The following CFI variants were observed in gnomAD, a reference collection of about 807,000 sequenced individuals.
The protein encoded by CFI is C3B/C4B inactivator.
A neutral mutation model predicts 78.8 loss-of-function variants in CFI; 66 were observed. The ratio of observed to expected loss-of-function variants is 0.84; its 90% CI spans 0.69 to 1.03. CFI has a LOEUF of 1.03. Among genes scored for constraint, CFI ranks in the 50% least tolerant of loss-of-function variants. The pLI is 0.00. For synonymous variants in CFI, 250 were observed against 232.6 expected, an observed-to-expected ratio of 1.07 and a Z score of -0.68; for missense variants, 706 against 704.5, an observed-to-expected ratio of 1.00 and a Z score of -0.02.
chr4:109,778,288 A>T (rs1210106771), intron 1 of CFI, among the ~76,000 whole-genome samples: 1 of 152,202 alleles, frequency 6.6e-6, no homozygotes, highest in African/African-American at 2.4e-5. Context: ...ATAAAAAATG[A>T]TAAAGGGGAT....
chr4:109,792,289 C>G (rs1019225251), intron 1 of CFI, among the ~76,000 whole-genome samples: 10 of 152,064 alleles, frequency 6.6e-5, no homozygotes, highest in Non-Finnish European at 7.4e-5. Context: ...ATATTATTAT[C>G]TATTTCTGGT....
intron 1 of CFI, among the ~76,000 whole-genome samples, chr4:109,791,387 AG>A (rs1397370318): frequency 2.0e-5 from 3 of 151,578 alleles, no homozygotes; most frequent in Non-Finnish European, 4.4e-5. Context: ...TCCCATCCGT[AG>A]GGTGTCTGTT....
intron 8 of CFI, 151 bp downstream of exon 8, chr4:109,752,317 A>T: frequency 1.5e-6 from 1 of 672,188 alleles, no homozygotes; most frequent in Non-Finnish European, 2.5e-6. Context: ...CTTAAAAGTG[A>T]CAGAGAAAGG....
intron 1 of CFI, among the ~76,000 whole-genome samples, chr4:109,771,400 T>TA (rs397831103): frequency 0.096 from 9,740 of 101,226 alleles, 869 homozygotes; most frequent in African/African-American, 0.25. Flanking sequence ...CTACTAAAAA[T>TA]AAAAAAAAAA....
chr4:109,779,371 C>A (rs62324928), intron 1 of CFI, among the ~76,000 whole-genome samples: 6,176 of 152,186 alleles, frequency 0.041, 182 homozygotes, highest in South Asian at 0.1. Flanking sequence ...CATGAGTGAA[C>A]TCCCATTCAC....
intron 12 of CFI, 124 bp from the exon 13 acceptor site, chr4:109,741,234 C>T (rs376032799): frequency 6.5e-7 from 1 of 1,543,490 alleles, no homozygotes; most frequent in Admixed American, 2.0e-5. Flanking sequence ...ATAGCATGGG[C>T]TCTCCTTAGA....
chr4:109,758,983 C>G (rs77802516), intron 6 of CFI, among the ~76,000 whole-genome samples: 1 of 152,194 alleles, frequency 6.6e-6, no homozygotes, highest in African/African-American at 2.4e-5. Context: ...ATCCCAGCTA[C>G]TCAGGAGGCT....
At chr4:109,781,142 A>T (rs977993377) in intron 1 of CFI, among the ~76,000 whole-genome samples, 3 of 152,218 alleles carry the variant, frequency 2.0e-5, no homozygotes, top group African/African-American at 7.2e-5. Flanking sequence ...AACTTAAAGT[A>T]TAAAAAAAAA....
At chr4:109,790,216 T>G (rs1390219471) in intron 1 of CFI, among the ~76,000 whole-genome samples, 1 of 152,042 alleles carries the variant, frequency 6.6e-6, no homozygotes, top group African/African-American at 2.4e-5. Flanking sequence ...TTTCTCAGTT[T>G]AGCTAAGGTC....
the CFI span, among the ~76,000 whole-genome samples, chr4:109,735,555 T>C: frequency 6.6e-6 from 1 of 152,214 alleles, no homozygotes; most frequent in Non-Finnish European, 1.5e-5. Flanking sequence ...AATGTCTCAC[T>C]AATGGCCTCA....
intron 7 of CFI, among the ~76,000 whole-genome samples, chr4:109,756,977 G>GAAAGAAAGAAAGAAAGAAAGAAAT (rs1380821599): frequency 1.4e-5 from 2 of 141,152 alleles, no homozygotes; most frequent in African/African-American, 2.6e-5. Flanking sequence ...AAGAAAGAAA[G>GAAAGAAAGAAAGAAAGAAAGAAAT]AAATTCTGAG....
intron 1 of CFI, among the ~76,000 whole-genome samples, chr4:109,781,171 T>C (rs1406276103): frequency 3.3e-5 from 5 of 152,090 alleles, no homozygotes; most frequent in African/African-American, 7.2e-5. Context: ...TTGATTTTCT[T>C]TTTGACCCAA....
intron 1 of CFI, among the ~76,000 whole-genome samples, chr4:109,798,527 A>G (rs1732357514): frequency 6.8e-6 from 1 of 146,598 alleles, no homozygotes. Context: ...TTTTAAAAAG[A>G]CCATTAAGTC....
chr4:109,770,513 A>C (rs1424597626), intron 1 of CFI, among the ~76,000 whole-genome samples: 2 of 149,934 alleles, frequency 1.3e-5, no homozygotes, highest in African/African-American at 4.9e-5. Flanking sequence ...CGGAGACCGC[A>C]CCACTGCACT....
chr4:109,766,673 T>G lies in CFI; in HGVS notation c.209A>C (p.Asn70Thr), dbSNP rs749553820. Residue 70 changes from asparagine (N) to threonine (T), a missense_variant, in exon 2 of 13, where the codon AAT becomes ACT. Transcript: ENST00000394634. ...VCKLPYQCPK[N>T]GTAVCATNRR... ...GTTAGTTGCACACACTGCAGTGCCA[T>G]TCTTTGGGCACTGATACGGTAGTTT... The G allele has an allele frequency of 1.8e-5, 29 of 1,614,046 alleles. No homozygotes were observed. Among genetic ancestry groups the G allele is most frequent in the Middle Eastern group, 1.6e-4 (1 of 6,084 alleles).
chr4:109,747,801 G>A lies in CFI; in HGVS notation c.1149-1299C>T, dbSNP rs183552350. ...GAACTGTGGAAAACTCGGGGGAGGA[G>A]GGGATGATTTCCGGATGAAACGCTT... On this transcript the variant is annotated intron_variant, in intron 10 of 12. Transcript: ENST00000394634. 9.2e-5 allele frequency among the ~76,000 whole-genome samples: 14 copies of A among 152,300 alleles called. No homozygotes were observed. In the East Asian group the frequency reaches 2.7e-3, roughly 29 times the overall value.
chr4:109,740,883 G>T lies in CFI; in HGVS notation c.*10C>A. 4 of 1,600,028 alleles carry T rather than the reference G, an allele frequency of 2.5e-6. No homozygotes were observed. Among genetic ancestry groups the T allele is most frequent in the Non-Finnish European group, 3.4e-6 (4 of 1,167,186 alleles). ...AGAAAAAGAATAGAATGAAGAGAGA[G>T]ATCACAATTTTATACATTGTACTGA... On this transcript the variant is annotated 3_prime_UTR_variant, in exon 13 of 13. Coordinates refer to ENST00000394634, the MANE Select transcript of CFI (RefSeq NM_000204.5).
intron 1 of CFI, 48 bp downstream of exon 1, chr4:109,801,867 C>T (rs1732803663): frequency 7.8e-7 from 1 of 1,283,170 alleles, no homozygotes; most frequent in South Asian, 1.3e-5. Context: ...TTTTTACAAC[C>T]TTTAAATTAT....
At chr4:109,783,514 TA>T (rs1166243960) in intron 1 of CFI, among the ~76,000 whole-genome samples, 1 of 151,462 alleles carries the variant, frequency 6.6e-6, no homozygotes, top group South Asian at 2.1e-4. Flanking sequence ...AATAAAAAAA[TA>T]AAAAAATAGT....
Sources: gnomAD v4.1 joint callset for allele counts (sites outside exome capture counted in the v4.1 genomes callset) on GRCh38, gnomAD v4.1.1 for gene constraint, MANE v1.5 for transcripts, NCBI Gene and HGNC (gene_info 2026-07-23, HGNC 2026-07-21) for gene names.